The following NCBP2L variants were observed in gnomAD, a reference collection of about 807,000 sequenced individuals.
NCBP2L encodes the protein nuclear cap-binding protein subunit 2-like.
For missense variants in NCBP2L, 95 were observed against 53.1 expected, an observed-to-expected ratio of 1.79 and a Z score of -2.45; for synonymous variants, 39 against 19.2, an observed-to-expected ratio of 2.04 and a Z score of -2.70.
intron 1 of NCBP2L, among the ~76,000 whole-genome samples, chrX:107,790,434 G>T (rs1264410684): frequency 9.0e-6 from 1 of 110,586 alleles, no homozygotes; most frequent in Non-Finnish European, 1.9e-5. Context: ...CCCTATCATG[G>T]TTCCCACTGC....
At chrX:107,781,676 A>ATCTATCTATCTATC (rs1380779020) in intron 1 of NCBP2L, among the ~76,000 whole-genome samples, 616 of 55,823 alleles carry the variant, frequency 0.011, 28 homozygotes, top group African/African-American at 0.066. Flanking sequence ...CTATCTATCT[A>ATCTATCTATCTATC]TCTCTCTCTC....
rs773010230 is a variant in NCBP2L at position 107,777,823 on chromosome X, A to G, written c.-108A>G. 3.6e-5 allele frequency: 4 copies of G among 111,324 alleles called. No homozygotes were observed. Among genetic ancestry groups the G allele is most frequent in the African/African-American group, 1.3e-4 (4 of 30,640 alleles). 9.2% of individuals were successfully genotyped at this position (111,324 alleles called of 1,213,427 possible). On this transcript the variant is annotated 5_prime_UTR_variant, in exon 1 of 2. Coordinates refer to ENST00000509000, the MANE Select transcript of NCBP2L (RefSeq NM_001348372.2). ...TGCTGTAGCAGCCGGAAAGCCAAAA[A>G]CAAGCCGTACTTCTCGCTCTTGACA...
intron 1 of NCBP2L, among the ~76,000 whole-genome samples, chrX:107,791,790 A>T (rs778137563): frequency 8.9e-6 from 1 of 112,276 alleles, no homozygotes; most frequent in Non-Finnish European, 1.9e-5. Flanking sequence ...TTGTCACAGT[A>T]TTTGTTGCAA....
intron 1 of NCBP2L, among the ~76,000 whole-genome samples, chrX:107,782,368 A>AT (rs1930335005): frequency 3.0e-5 from 1 of 33,692 alleles, no homozygotes; most frequent in Non-Finnish European, 3.9e-5. Context: ...TATATATATA[A>AT]ATATATATAT....
rs1468547055 is a variant in NCBP2L at position 107,794,334 on chromosome X, C to A, written c.114C>A (p.Ser38Arg). 1.8e-6 allele frequency: 1 copy of A among 568,747 alleles called. No individual in the cohort carries two copies. The highest frequency in any genetic ancestry group is 3.2e-5 in the East Asian group (1 of 30,794). The allele number at this position is 568,747 out of a possible 1,213,427, so 46.9% of individuals were successfully genotyped here. A position where few individuals can be genotyped will look rare whatever the true frequency, so the allele number is the denominator to read the frequency against. Residue 38 changes from serine to arginine, a missense_variant, in exon 2 of 2, where the codon AGC (serine) becomes AGA (arginine). Coordinates refer to ENST00000509000, the MANE Select transcript of NCBP2L (RefSeq NM_001348372.2). ...KFQQEKLLKE[S>R]STLNMGNLSF... ...AGCAGGAAAAATTACTGAAGGAAAG[C>A]TCCACATTGAATATGGGGAATCTTT...
At chrX:107,778,057 G>C (rs1375637119) in intron 1 of NCBP2L, among the ~76,000 whole-genome samples, 199 bp downstream of exon 1, 4 of 109,559 alleles carry the variant, frequency 3.7e-5, no homozygotes, top group Non-Finnish European at 5.7e-5. Flanking sequence ...AGAGGAGGTA[G>C]TAGAATATGA....
At chrX:107,784,006 C>T (rs918966453) in intron 1 of NCBP2L, among the ~76,000 whole-genome samples, 22 of 110,220 alleles carry the variant, frequency 2.0e-4, no homozygotes, top group African/African-American at 7.3e-4. Flanking sequence ...ATACCAAACA[C>T]AGATTGGAAG....
intron 1 of NCBP2L, among the ~76,000 whole-genome samples, chrX:107,791,287 C>T (rs1185733883): frequency 3.6e-5 from 4 of 110,785 alleles, no homozygotes; most frequent in African/African-American, 1.3e-4. Context: ...CACTCTGTCA[C>T]CCAGGCTGGA....
intron 1 of NCBP2L, among the ~76,000 whole-genome samples, chrX:107,782,337 A>AT (rs1930330848): frequency 2.7e-5 from 1 of 37,508 alleles, no homozygotes; most frequent in Non-Finnish European, 3.7e-5. Context: ...ATATATATAT[A>AT]AATATATATA....
At chrX:107,782,212 TATATATATAAATATATATATATA>T (rs1930308536) in intron 1 of NCBP2L, among the ~76,000 whole-genome samples, 1 of 30,959 alleles carries the variant, frequency 3.2e-5, no homozygotes, top group African/African-American at 1.7e-4. Flanking sequence ...TATATATAAA[TATATATATAAATATATATATATA>T]AATATATATA....
intron 1 of NCBP2L, among the ~76,000 whole-genome samples, chrX:107,779,738 ATTTT>A (rs60997776): frequency 2.2e-4 from 8 of 36,648 alleles, no homozygotes; most frequent in East Asian, 9.0e-4. Flanking sequence ...TATCCCCTGA[ATTTT>A]TTTTTTTTTT....
chrX:107,784,772 A>G (rs1189571229), intron 1 of NCBP2L, among the ~76,000 whole-genome samples: 2 of 96,405 alleles, frequency 2.1e-5, no homozygotes, highest in African/African-American at 7.7e-5. Flanking sequence ...GGAGTTCAAG[A>G]CCAGCCTGGG....
chrX:107,783,090 T>G lies in NCBP2L; in HGVS notation c.-73+5232T>G, dbSNP rs949123977. ...GACACTTAGGCAGTTTCCACAAGCT[T>G]TCTTAGCACAGTTCTTGGGCATGGT... On this transcript the variant is annotated intron_variant, in intron 1 of 1. Coordinates refer to ENST00000509000, the MANE Select transcript of NCBP2L (RefSeq NM_001348372.2). Among the ~76,000 whole-genome samples, 171 of 110,167 alleles carry G rather than the reference T, an allele frequency of 1.6e-3. 1 individual carries two copies. Among genetic ancestry groups the G allele is most frequent in the Non-Finnish European group, 3.0e-3 (159 of 52,794 alleles).
rs745455293 is a variant in NCBP2L at position 107,794,278 on chromosome X, C to T, written c.58C>T (p.Arg20Trp). ...CCCTGCTTTGGAGCTGAGCTGCTAC[C>T]GGGACCATCAGTTCAGTGGCCGTAA... ...KDPALELSCY[R>W]DHQFSGRKFQ... is the part of the protein sequence containing the mutation. Residue 20 changes from arginine (R) to tryptophan (W), a missense_variant, in exon 2 of 2, where the codon CGG (arginine) becomes TGG (tryptophan). Transcript: ENST00000509000. 20 of 565,942 alleles carry T rather than the reference C, an allele frequency of 3.5e-5. No individual in the cohort carries two copies. The highest frequency in any genetic ancestry group is 9.1e-5 in the South Asian group (4 of 44,145). The allele number at this position is 565,942 out of a possible 1,213,427, so 46.6% of individuals were successfully genotyped here.
rs768853690 is a variant in NCBP2L, at chrX:107,794,440, A to G, written c.220A>G (p.Ile74Val). ...IRNIFMGLDKIKKTACGFCFV... is the reference protein window; with the variant it reads ...IRNIFMGLDKVKKTACGFCFV... ...GAATATCTTTATGGGCCTGGATAAA[A>G]TAAAGAAAACAGCATGTGGTTTTTG... Residue 74 changes from isoleucine to valine, a missense_variant, in exon 2 of 2, where the codon ATA (isoleucine) becomes GTA (valine). Coordinates refer to ENST00000509000, the MANE Select transcript of NCBP2L (RefSeq NM_001348372.2). 7 of 569,056 alleles carry G rather than the reference A, an allele frequency of 1.2e-5. No individual in the cohort carries two copies. The Admixed American group carries it at 1.3e-4, about 11-fold the overall frequency. 46.9% of individuals were successfully genotyped at this position (569,056 alleles called of 1,213,427 possible).
intron 1 of NCBP2L, among the ~76,000 whole-genome samples, chrX:107,778,941 A>G (rs1161523562): frequency 9.0e-6 from 1 of 110,978 alleles, no homozygotes; most frequent in Non-Finnish European, 1.9e-5. Flanking sequence ...GTGTAGGGGG[A>G]ATAGGGGGTG....
Position 107,794,563 on chromosome X carries a change from G to A in NCBP2L, c.343G>A (p.Val115Ile). 1 of 570,109 alleles carries A rather than the reference G, an allele frequency of 1.8e-6. No individual in the cohort carries two copies. The highest frequency in any genetic ancestry group is 3.2e-6 in the Non-Finnish European group (1 of 309,497). The allele number at this position is 570,109 out of a possible 1,213,427, so 47.0% of individuals were successfully genotyped here. ...ATGGATTATCTGCACTGATTGGGAT[G>A]TCGGTTTTAGAGAGGGTCAACAGTA... ...DEWIICTDWD[V>I]GFREGQQYGR... Residue 115 changes from valine to isoleucine, a missense_variant, in exon 2 of 2, where the codon GTC becomes ATC. Transcript: ENST00000509000.
At chrX:107,792,278 C>T (rs1023740158) in intron 1 of NCBP2L, among the ~76,000 whole-genome samples, 2 of 108,978 alleles carry the variant, frequency 1.8e-5, no homozygotes. Context: ...TTGTCCAATG[C>T]CTGGATGAAA....
intron 1 of NCBP2L, among the ~76,000 whole-genome samples, chrX:107,782,238 TATATATATATAA>T (rs1197265565): frequency 0.13 from 1,080 of 8,003 alleles, 167 homozygotes; most frequent in African/African-American, 0.29. Flanking sequence ...TATATATAAA[TATATATATATAA>T]ATATATATAT....
Sources: gnomAD v4.1 joint callset for allele counts (sites outside exome capture counted in the v4.1 genomes callset) on GRCh38, gnomAD v4.1.1 for gene constraint, MANE v1.5 for transcripts, NCBI Gene and HGNC (gene_info 2026-07-23, HGNC 2026-07-21) for gene names.